TCAIM: variants seen among roughly 807,000 people sequenced by gnomAD.
The protein encoded by TCAIM is T cell activation inhibitor, mitochondrial, also known as T-cell activation inhibitor, mitochondrial.
Under a neutral mutation model 58.6 loss-of-function variants are expected in TCAIM, and 36 were observed. The observed-to-expected ratio is 0.61, with a 90% CI of 0.47 to 0.81. The LOEUF (loss-of-function observed/expected upper bound fraction) is 0.81. Ranked by LOEUF, TCAIM falls within the 30% of genes least tolerant of loss-of-function variation. The pLI is 0.00. For synonymous variants in TCAIM, 172 were observed against 193.6 expected, an observed-to-expected ratio of 0.89 and a Z score of 0.93; for missense variants, 466 against 579.6, an observed-to-expected ratio of 0.80 and a Z score of 2.01.
intron 1 of TCAIM, among the ~76,000 whole-genome samples, chr3:44,343,371 C>T (rs1700895312): frequency 1.3e-5 from 2 of 152,024 alleles, no homozygotes. Flanking sequence ...TTTAGATCAG[C>T]ACAATCCAAT....
intron 5 of TCAIM, among the ~76,000 whole-genome samples, chr3:44,373,654 A>C (rs1226314152): frequency 6.6e-6 from 1 of 152,130 alleles, no homozygotes; most frequent in Non-Finnish European, 1.5e-5. Flanking sequence ...ACTCTGTCTG[A>C]AAAAAAGAGA....
At chr3:44,345,532 C>CT (rs1034616046) in intron 1 of TCAIM, among the ~76,000 whole-genome samples, 45 of 150,966 alleles carry the variant, frequency 3.0e-4, no homozygotes, top group South Asian at 4.2e-4. Flanking sequence ...ACAGAGTCCC[C>CT]TTTTTTTTTA....
chr3:44,397,871 A>G (rs1701958417), intron 8 of TCAIM, among the ~76,000 whole-genome samples: 1 of 152,184 alleles, frequency 6.6e-6, no homozygotes, highest in Non-Finnish European at 1.5e-5. Flanking sequence ...GTTCAAATCA[A>G]ATATTTATTT....
In TCAIM at chr3:44,346,148, G is replaced by A. The variant is rs147724893; in HGVS notation, c.-45+7314G>A. 2.1e-3 allele frequency among the ~76,000 whole-genome samples: 316 copies of A among 152,316 alleles called. 1 individual carries two copies. The highest frequency in any genetic ancestry group is 6.4e-3 in the African/African-American group (266 of 41,568). Reference sequence around the variant, plus strand: ...TTTTAAGTTGGAGGCTGAGCTTGGCGAGGTGTGTTTTTAAAAGATCATTAG... The same window carrying A: ...TTTTAAGTTGGAGGCTGAGCTTGGCAAGGTGTGTTTTTAAAAGATCATTAG... On this transcript the variant is annotated intron_variant, in intron 1 of 10. Transcript: ENST00000342649.
rs575492033 is a variant in TCAIM at position 44,383,646 on chromosome 3, A to G, written c.573-9209A>G. ...GTGGTGATAGTTGCACAACAATGTT[A>G]ATGTACTTAATACCACTGAACTGTA... On this transcript the variant is annotated intron_variant, in intron 5 of 10. Transcript: ENST00000342649. Among the ~76,000 whole-genome samples, 5 of 152,166 alleles carry G rather than the reference A, an allele frequency of 3.3e-5. No individual in the cohort carries two copies. The East Asian group carries it at 9.7e-4, about 29-fold the overall frequency.
intron 10 of TCAIM, among the ~76,000 whole-genome samples, chr3:44,403,162 G>T (rs9864257): frequency 5.9e-5 from 9 of 151,896 alleles, no homozygotes; most frequent in Admixed American, 5.2e-4. Flanking sequence ...CCAGCTACTC[G>T]GGAGGCTGAG....
At chr3:44,396,356 C>T (rs200238876) in intron 6 of TCAIM, 44 bp from the exon 7 acceptor site, 2 of 1,565,506 alleles carry the variant, frequency 1.3e-6, no homozygotes, top group East Asian at 4.5e-5. Context: ...GCTCCGTCTT[C>T]AGGGTGCCAC....
intron 6 of TCAIM, among the ~76,000 whole-genome samples, chr3:44,394,556 CA>C (rs757595489): frequency 1.3e-5 from 2 of 151,908 alleles, no homozygotes; most frequent in Admixed American, 6.6e-5. Context: ...TTTACAGTAT[CA>C]TGGAGAAATT....
Position 44,367,686 on chromosome 3 carries a change from T to A in TCAIM, c.550T>A (p.Ser184Thr). 6.2e-7 allele frequency: 1 copy of A among 1,612,002 alleles called. No homozygotes were observed. The highest frequency in any genetic ancestry group is 8.5e-7 in the Non-Finnish European group (1 of 1,178,440). ...CCCTGATGAAGACCTTGAACAAGTC[T>A]CGAGAGTGGAAACAACTCTCACGTA... Reference protein sequence around the residue: ...KDPDEDLEQVSRVETTLTSWL... With the variant: ...KDPDEDLEQVTRVETTLTSWL... The change falls in exon 5 of 11, where the codon TCG becomes ACG. Residue 184 changes from serine to threonine, a missense_variant. By Grantham distance (58) the Ser-to-Thr change is moderately conservative. Coordinates refer to ENST00000342649, the MANE Select transcript of TCAIM (RefSeq NM_173826.4).
intron 4 of TCAIM, among the ~76,000 whole-genome samples, chr3:44,363,955 A>T (rs1701331063): frequency 1.9e-5 from 2 of 106,300 alleles, no homozygotes; most frequent in African/African-American, 3.7e-5. Context: ...TTTCATACGG[A>T]GTCTCACTCT....
chr3:44,389,351 A>T (rs1701796075), intron 5 of TCAIM, among the ~76,000 whole-genome samples: 1 of 152,260 alleles, frequency 6.6e-6, no homozygotes, highest in African/African-American at 2.4e-5. Flanking sequence ...TTCAGTTTTT[A>T]GAAACAAAAC....
At chr3:44,380,867 T>C (rs1701644973) in intron 5 of TCAIM, among the ~76,000 whole-genome samples, 1 of 152,120 alleles carries the variant, frequency 6.6e-6, no homozygotes, top group African/African-American at 2.4e-5. Flanking sequence ...GAGAGTACCA[T>C]GGGCAATTGT....
At chr3:44,339,013 A>G (rs1231540521) in intron 1 of TCAIM, among the ~76,000 whole-genome samples, 179 bp downstream of exon 1, 1 of 152,216 alleles carries the variant, frequency 6.6e-6, no homozygotes, top group African/African-American at 2.4e-5. Context: ...GTGAAATGAG[A>G]ACGCAAAGAC....
intron 4 of TCAIM, among the ~76,000 whole-genome samples, chr3:44,364,720 T>C (rs1177909861): frequency 2.7e-5 from 4 of 149,308 alleles, no homozygotes; most frequent in East Asian, 3.9e-4. Context: ...CACTCCAGCA[T>C]GGGTGACAGA....
Position 44,358,327 on chromosome 3 carries a change from A to T in TCAIM, c.165+451A>T, listed in dbSNP as rs1701238292. Reference sequence around the variant, plus strand: ...ATGTGTGCTCCAGGAATACAAACTGATATGAAAAATGACTTATGGTAGATG... The same window carrying T: ...ATGTGTGCTCCAGGAATACAAACTGTTATGAAAAATGACTTATGGTAGATG... On this transcript the variant is annotated intron_variant, in intron 3 of 10. Coordinates refer to ENST00000342649, the MANE Select transcript of TCAIM (RefSeq NM_173826.4). 1.6e-5 allele frequency: 13 copies of T among 795,994 alleles called. No individual in the cohort carries two copies. The South Asian group carries it at 2.0e-4, about 12-fold the overall frequency. The allele number at this position is 795,994 out of a possible 1,614,324, so 49.3% of individuals were successfully genotyped here. A position where few individuals can be genotyped will look rare whatever the true frequency, so the allele number is the denominator to read the frequency against.
intron 2 of TCAIM, 55 bp from the exon 3 acceptor site, chr3:44,357,686 G>T (rs1322734563): frequency 6.3e-7 from 1 of 1,598,134 alleles, no homozygotes; most frequent in Non-Finnish European, 8.5e-7. Context: ...ATACATTGAG[G>T]ATTTGTGTGT....
chr3:44,349,930 C>T (rs556772141), intron 1 of TCAIM, among the ~76,000 whole-genome samples: 51 of 150,424 alleles, frequency 3.4e-4, no homozygotes, highest in Non-Finnish European at 7.1e-4. Flanking sequence ...TCTGAGGACC[C>T]GAGGTCGTAG....
intron 1 of TCAIM, among the ~76,000 whole-genome samples, chr3:44,345,244 G>A (rs568940754): frequency 1.0e-3 from 154 of 152,218 alleles, no homozygotes; most frequent in Non-Finnish European, 2.6e-4. Flanking sequence ...AGGAGCATTT[G>A]TTGTATAGAA....
At chr3:44,403,025 T>A (rs1702044484) in intron 10 of TCAIM, among the ~76,000 whole-genome samples, 1 of 152,120 alleles carries the variant, frequency 6.6e-6, no homozygotes, top group Admixed American at 6.5e-5. Flanking sequence ...TCTCAGCACT[T>A]TGGGAGGCCG....
Sources: gnomAD v4.1 joint callset for allele counts (sites outside exome capture counted in the v4.1 genomes callset) on GRCh38, gnomAD v4.1.1 for gene constraint, MANE v1.5 for transcripts, NCBI Gene and HGNC (gene_info 2026-07-23, HGNC 2026-07-21) for gene names.